The following SLC14A1 variants were observed in gnomAD, a reference collection of about 807,000 sequenced individuals.
The protein encoded by SLC14A1 is solute carrier family 14 member 1 (Kidd blood group), also known as urea transporter 1.
In SLC14A1, 36 loss-of-function variants were observed where a neutral mutation model predicts 39.6. The observed-to-expected ratio is 0.91, with a 90% CI of 0.70 to 1.20. The LOEUF (loss-of-function observed/expected upper bound fraction) is 1.20. SLC14A1 is among the 50% of genes most tolerant of loss of function. The pLI, the probability that SLC14A1 is intolerant of heterozygous loss-of-function variation, is 0.00. For synonymous variants in SLC14A1, 164 were observed against 173.6 expected (o/e 0.94, Z 0.43); for missense variants, 469 against 478.7 (o/e 0.98, Z 0.19).
intron 4 of SLC14A1, among the ~76,000 whole-genome samples, chr18:45,731,899 G>A (rs1467682109): frequency 1.3e-5 from 2 of 152,186 alleles, no homozygotes; most frequent in Non-Finnish European, 2.9e-5. Flanking sequence ...TCCCCAGTGT[G>A]GTCATTACAC....
At chr18:45,725,999 G>A (rs1306322350) in intron 2 of SLC14A1, among the ~76,000 whole-genome samples, 1 of 152,140 alleles carries the variant, frequency 6.6e-6, no homozygotes, top group Non-Finnish European at 1.5e-5. Flanking sequence ...ACCCCTGCTT[G>A]TCTCTTTTTT....
At chr18:45,737,623 A>G (rs1306681484) in intron 6 of SLC14A1, 1 of 152,258 alleles carries the variant, frequency 6.6e-6, no homozygotes, top group Admixed American at 6.5e-5. Context: ...GAAAAAATCA[A>G]AGATTCATTA....
Position 45,750,297 on chromosome 18 carries a change from G to A in SLC14A1, c.*346G>A, listed in dbSNP as rs1057262110. 2.6e-5 allele frequency: 31 copies of A among 1,199,572 alleles called. No individual in the cohort carries two copies. Among genetic ancestry groups the A allele is most frequent in the South Asian group, 5.6e-5 (3 of 53,332 alleles). 74.3% of individuals were successfully genotyped at this position (1,199,572 alleles called of 1,614,324 possible). ...GATATTCTTGGTGTTTAGCTGGCTC[G>A]ATGATGTTAACAGTATTAAAAATTA... On this transcript the variant is annotated 3_prime_UTR_variant, in exon 10 of 10. Coordinates refer to ENST00000321925, the MANE Select transcript of SLC14A1 (RefSeq NM_015865.7).
Position 45,730,884 on chromosome 18 carries a change from G to C in SLC14A1, c.152-131G>C, listed in dbSNP as rs1174106183. On this transcript the variant is annotated intron_variant, in intron 3 of 9. Coordinates refer to ENST00000321925, the MANE Select transcript of SLC14A1 (RefSeq NM_015865.7). Reference sequence around the variant, plus strand: ...CCACTAATGCAACAATGGGTTGAGAGAGAAATATTAAAGAAATATCAAAAA... The same window carrying C: ...CCACTAATGCAACAATGGGTTGAGACAGAAATATTAAAGAAATATCAAAAA... 4.8e-6 allele frequency: 4 copies of C among 833,036 alleles called. No homozygotes were observed. In the Admixed American group the frequency reaches 5.7e-5, roughly 12 times the overall value. The allele number at this position is 833,036 out of a possible 1,614,324, so 51.6% of individuals were successfully genotyped here.
Position 45,751,653 on chromosome 18 carries a change from C to A in SLC14A1, c.*1702C>A. ...GTAACATTAGCCAGGTGTAGCAGCACACATCTGCAGCAGCTACTCAGGAGG... is the reference window on the plus strand; with the variant it reads ...GTAACATTAGCCAGGTGTAGCAGCAAACATCTGCAGCAGCTACTCAGGAGG... On this transcript the variant is annotated 3_prime_UTR_variant, in exon 10 of 10. Transcript: ENST00000321925. 3 of 447,208 alleles carry A rather than the reference C, an allele frequency of 6.7e-6. No individual in the cohort carries two copies. Among genetic ancestry groups the A allele is most frequent in the African/African-American group, 2.1e-5 (1 of 46,636 alleles). The allele number at this position is 447,208 out of a possible 1,614,324, so 27.7% of individuals were successfully genotyped here.
intron 2 of SLC14A1, among the ~76,000 whole-genome samples, chr18:45,725,968 C>G (rs1200888124): frequency 6.6e-6 from 1 of 152,186 alleles, no homozygotes; most frequent in Non-Finnish European, 1.5e-5. Context: ...GAGACGCTGT[C>G]TACACTGAGA....
intron 3 of SLC14A1, among the ~76,000 whole-genome samples, 192 bp from the exon 4 acceptor site, chr18:45,730,823 G>C (rs543411525): frequency 6.6e-6 from 1 of 152,180 alleles, no homozygotes; most frequent in Non-Finnish European, 1.5e-5. Flanking sequence ...TGTGGGTTGA[G>C]CATACAGTAG....
chr18:45,727,282 G>C, intron 2 of SLC14A1: 1 of 1,551,680 alleles, frequency 6.4e-7, no homozygotes, highest in Non-Finnish European at 8.7e-7. Context: ...ATGAATGGAC[G>C]GTCTTTGATT....
chr18:45,738,980 A>G (rs1034195211), intron 6 of SLC14A1, among the ~76,000 whole-genome samples, 183 bp from the exon 7 acceptor site: 1 of 152,190 alleles, frequency 6.6e-6, no homozygotes, highest in African/African-American at 2.4e-5. Flanking sequence ...CTGGGGATAA[A>G]GCTGAAGGAT....
chr18:45,728,944 A>AT (rs2046944726), intron 2 of SLC14A1: 2 of 152,222 alleles, frequency 1.3e-5, no homozygotes, highest in Non-Finnish European at 2.9e-5. Context: ...AGTTACCCAT[A>AT]TTGATTTCTT....
At chr18:45,728,999 A>T (rs961577308) in intron 2 of SLC14A1, 4 of 152,200 alleles carry the variant, frequency 2.6e-5, no homozygotes, top group Non-Finnish European at 5.9e-5. Context: ...ACTTTTTTTA[A>T]TAGGTATAAC....
intron 8 of SLC14A1, among the ~76,000 whole-genome samples, chr18:45,741,408 C>T (rs1220676109): frequency 1.3e-5 from 2 of 152,172 alleles, no homozygotes; most frequent in Non-Finnish European, 2.9e-5. Flanking sequence ...TGTCTAGAAT[C>T]AGTTTATCAC....
At chr18:45,734,740 T>TGAGGAG (rs60802418) in intron 5 of SLC14A1, among the ~76,000 whole-genome samples, 1 of 150,334 alleles carries the variant, frequency 6.7e-6, no homozygotes, top group African/African-American at 2.4e-5. Context: ...TTGGGCTAAG[T>TGAGGAG]GAGGAGGAGG....
chr18:45,726,410 T>C (rs1162417770), intron 2 of SLC14A1, among the ~76,000 whole-genome samples: 1 of 152,160 alleles, frequency 6.6e-6, no homozygotes, highest in Non-Finnish European at 1.5e-5. Context: ...AATGGAAGTT[T>C]TAAAAAGGAA....
intron 9 of SLC14A1, 110 bp from the exon 10 acceptor site, chr18:45,749,668 C>T (rs1599333880): frequency 8.2e-7 from 1 of 1,215,250 alleles, no homozygotes; most frequent in Non-Finnish European, 1.2e-6. Context: ...AGAGCAATGC[C>T]CCCAGTGGTT....
chr18:45,733,016 C>G lies in SLC14A1; in HGVS notation c.342-1258C>G, dbSNP rs142197588. 2.6e-5 allele frequency among the ~76,000 whole-genome samples: 4 copies of G among 152,264 alleles called. No individual in the cohort carries two copies. The East Asian group carries it at 7.7e-4, about 29-fold the overall frequency. ...TAATGTAGTAACAGAAAATCAAATA[C>G]CACACGTTTTCACTTACAATTAGGA... On this transcript the variant is annotated intron_variant, in intron 4 of 9. Transcript: ENST00000321925.
chr18:45,742,355 T>G (rs1198287325), intron 8 of SLC14A1, among the ~76,000 whole-genome samples: 4 of 132,870 alleles, frequency 3.0e-5, no homozygotes, highest in African/African-American at 5.8e-5. Context: ...GTTTTTTGGT[T>G]TTTTTTTTTT....
chr18:45,738,944 T>A (rs975518550), intron 6 of SLC14A1, among the ~76,000 whole-genome samples: 1 of 152,130 alleles, frequency 6.6e-6, no homozygotes, highest in Non-Finnish European at 1.5e-5. Flanking sequence ...ATGTGTTGCA[T>A]GCACCAGGGA....
chr18:45,744,318 G>T (rs1020627920), intron 8 of SLC14A1, among the ~76,000 whole-genome samples: 2 of 152,186 alleles, frequency 1.3e-5, no homozygotes, highest in East Asian at 1.9e-4. Context: ...AAGAGGGTTT[G>T]CAAAGAGAGT....
Sources: gnomAD v4.1 joint callset for allele counts (sites outside exome capture counted in the v4.1 genomes callset) on GRCh38, gnomAD v4.1.1 for gene constraint, MANE v1.5 for transcripts, NCBI Gene and HGNC (gene_info 2026-07-23, HGNC 2026-07-21) for gene names.